Variants in ADARB2 observed in about 807,000 individuals in gnomAD.
ADARB2 encodes the protein inactive double-stranded RNA-specific editase B2.
Under a neutral mutation model 62.2 loss-of-function variants are expected in ADARB2, and 25 were observed. That is an observed-to-expected ratio of 0.40 (90% CI 0.29 to 0.56). ADARB2 has a LOEUF of 0.56. Ranked by LOEUF, ADARB2 falls within the 20% of genes least tolerant of loss-of-function variation. The pLI, the probability that ADARB2 is intolerant of heterozygous loss-of-function variation, is 0.43. For missense variants in ADARB2, 1,071 were observed against 1,077.4 expected (o/e 0.99, Z 0.08); for synonymous variants, 572 against 500.8 (o/e 1.14, Z -1.90).
intron 1 of ADARB2, among the ~76,000 whole-genome samples, chr10:1,658,078 G>T (rs1834194924): frequency 6.6e-6 from 1 of 150,774 alleles, no homozygotes; most frequent in Non-Finnish European, 1.5e-5. Context: ...GTGTCTCTGT[G>T]TCTCTCTGTC....
At chr10:1,266,511 T>TGGGGGGGGGGGGGGG (rs782182369) in intron 4 of ADARB2, among the ~76,000 whole-genome samples, 1 of 128,444 alleles carries the variant, frequency 7.8e-6, no homozygotes, top group Non-Finnish European at 1.6e-5. Context: ...TGGTGGGGGG[T>TGGGGGGGGGGGGGGG]GGGGGGGGGG....
At position 1,295,487 on chromosome 10, in the gene ADARB2, C is replaced by T. The variant is rs539088985; in HGVS notation, c.1078-24418G>A. Among the ~76,000 whole-genome samples, 42 of 152,108 alleles carry T rather than the reference C, an allele frequency of 2.8e-4. No individual in the cohort carries two copies. The Middle Eastern group carries it at 0.01, about 37-fold the overall frequency. On this transcript the variant is annotated intron_variant, in intron 3 of 9. Coordinates refer to ENST00000381312, the MANE Select transcript of ADARB2 (RefSeq NM_018702.4). ...TGTTGGGGACAACATCAGAGATGTC[C>T]GATGCAATTTAGGAGAAAGAGTACA...
chr10:1,414,756 C>T (rs1375201519), intron 1 of ADARB2, among the ~76,000 whole-genome samples: 2 of 152,212 alleles, frequency 1.3e-5, no homozygotes, highest in Admixed American at 1.3e-4. Flanking sequence ...AATCCTTTGA[C>T]TCCACTGGAC....
At chr10:1,569,126 G>T (rs932722013) in intron 1 of ADARB2, among the ~76,000 whole-genome samples, 1 of 138,460 alleles carries the variant, frequency 7.2e-6, no homozygotes, top group African/African-American at 2.6e-5. Context: ...AAGAGACAGA[G>T]ACAAAGAGAG....
chr10:1,295,915 C>T, intron 3 of ADARB2, among the ~76,000 whole-genome samples: 1 of 152,104 alleles, frequency 6.6e-6, no homozygotes, highest in East Asian at 1.9e-4. Context: ...AATGACCATC[C>T]CCAAGCGCAA....
chr10:1,546,814 C>T (rs1035425421), intron 1 of ADARB2, among the ~76,000 whole-genome samples: 6 of 152,366 alleles, frequency 3.9e-5, no homozygotes, highest in Non-Finnish European at 8.8e-5. Flanking sequence ...CCCTGACAAA[C>T]GACTCCCTGC....
At chr10:1,601,240 C>A (rs932302265) in intron 1 of ADARB2, among the ~76,000 whole-genome samples, 4 of 152,172 alleles carry the variant, frequency 2.6e-5, no homozygotes, top group African/African-American at 4.8e-5. Flanking sequence ...TTTTGTGAAG[C>A]CTGTGAGTGG....
chr10:1,402,390 T>A (rs1433332624), intron 1 of ADARB2, among the ~76,000 whole-genome samples: 5 of 151,898 alleles, frequency 3.3e-5, no homozygotes, highest in Admixed American at 3.3e-4. Flanking sequence ...CCTGGTGGGG[T>A]CGGGGGAGAA....
chr10:1,402,372 CTGCTT>C (rs1428510825), intron 1 of ADARB2, among the ~76,000 whole-genome samples: 4 of 152,186 alleles, frequency 2.6e-5, no homozygotes, highest in Non-Finnish European at 4.4e-5. Context: ...CGTGCCCACT[CTGCTT>C]TGCCTGGTGG....
Position 1,217,049 on chromosome 10 carries a change from C to T in ADARB2, c.1584G>A (p.Gly528=). 4 of 1,611,058 alleles carry T rather than the reference C, an allele frequency of 2.5e-6. No homozygotes were observed. The highest frequency in any genetic ancestry group is 3.4e-6 in the Non-Finnish European group (4 of 1,178,964). ...CGCTGGGGCCACGCACGGGGACCGT[C>T]CCTTCCCCGGACTCGATCTTGGTGC... ...HLRTKIESGE[G]TVPVRGPSAV... The change falls in exon 7 of 10, where the codon GGG becomes GGA. Residue 528 remains glycine (G), a synonymous_variant. Coordinates refer to ENST00000381312, the MANE Select transcript of ADARB2 (RefSeq NM_018702.4).
At chr10:1,549,864 C>A (rs750204824) in intron 1 of ADARB2, among the ~76,000 whole-genome samples, 6 of 152,174 alleles carry the variant, frequency 3.9e-5, no homozygotes, top group Non-Finnish European at 7.3e-5. Context: ...GAGCCTCTCA[C>A]CCCCTCTCCT....
chr10:1,270,363 TCATTA>T (rs1326483193), intron 4 of ADARB2, among the ~76,000 whole-genome samples: 1 of 151,980 alleles, frequency 6.6e-6, no homozygotes. Flanking sequence ...GACGAGGAGG[TCATTA>T]CACACTCGTG....
chr10:1,187,864 G>A (rs1457894427), intron 8 of ADARB2: 1 of 434,610 alleles, frequency 2.3e-6, no homozygotes, highest in East Asian at 7.2e-5. Flanking sequence ...GTGGTCCCAT[G>A]TGTCCATATG....
chr10:1,432,234 A>G (rs1830783412), intron 1 of ADARB2, among the ~76,000 whole-genome samples: 2 of 152,216 alleles, frequency 1.3e-5, no homozygotes, highest in African/African-American at 4.8e-5. Flanking sequence ...TTTGAATGAT[A>G]GAAACATAGC....
Position 1,389,781 on chromosome 10 carries a change from A to C in ADARB2, c.101-10621T>G, listed in dbSNP as rs550653136. 2.0e-5 allele frequency among the ~76,000 whole-genome samples: 3 copies of C among 149,936 alleles called. No homozygotes were observed. The East Asian group carries it at 5.8e-4, about 29-fold the overall frequency. ...TAAATAAATAAATAAATAAATAAAT[A>C]AATAATAAATAAAAAATAAAGGCTG... On this transcript the variant is annotated intron_variant, in intron 1 of 9. Transcript: ENST00000381312.
intron 1 of ADARB2, among the ~76,000 whole-genome samples, chr10:1,630,367 G>T (rs1833827343): frequency 6.6e-6 from 1 of 152,086 alleles, no homozygotes; most frequent in Admixed American, 6.5e-5. Context: ...AAAGGGGTGG[G>T]GAGGGCTTCC....
At chr10:1,668,045 C>G (rs138159321) in intron 1 of ADARB2, among the ~76,000 whole-genome samples, 1 of 152,176 alleles carries the variant, frequency 6.6e-6, no homozygotes, top group Non-Finnish European at 1.5e-5. Context: ...CTGGATGAGG[C>G]GTTAGCAGGA....
chr10:1,737,324 T>TCTGTCTCTCTGTC lies in ADARB2; in HGVS notation c.-175_-174insGACAGAGAGACAG. The TCTGTCTCTCTGTC allele has an allele frequency of 1.6e-6, 1 of 636,670 alleles. No homozygotes were observed. Among genetic ancestry groups the TCTGTCTCTCTGTC allele is most frequent in the Non-Finnish European group, 2.7e-6 (1 of 369,998 alleles). The allele number at this position is 636,670 out of a possible 1,614,324, so 39.4% of individuals were successfully genotyped here. On this transcript the variant is annotated 5_prime_UTR_variant, in exon 1 of 10. Coordinates refer to ENST00000381312, the MANE Select transcript of ADARB2 (RefSeq NM_018702.4). Reference sequence around the variant, plus strand: ...CTCCGTCTCTCTGTCTCTCGAATTGTTCTCTATGACTTGCTCCCACTGGGC... The same window carrying TCTGTCTCTCTGTC: ...CTCCGTCTCTCTGTCTCTCGAATTGTCTGTCTCTCTGTCTCTCTATGACTTGCTCCCACTGGGC...
chr10:1,180,326 TG>T lies in ADARB2; in HGVS notation c.*2866del, dbSNP rs1836653651. 4.0e-5 allele frequency: 6 copies of T among 151,514 alleles called. No homozygotes were observed. Among genetic ancestry groups the T allele is most frequent in the Admixed American group, 3.9e-4 (6 of 15,240 alleles). The allele number at this position is 151,514 out of a possible 1,614,324, so 9.4% of individuals were successfully genotyped here. On this transcript the variant is annotated 3_prime_UTR_variant, in exon 10 of 10. Coordinates refer to ENST00000381312, the MANE Select transcript of ADARB2 (RefSeq NM_018702.4). ...GGAACTCTTGGGGCTGTGGGAATCC[TG>T]GGACCCGGGTCTTCCAGGCACACCT...
Sources: allele counts gnomAD v4.1 joint callset (sites outside exome capture counted in the v4.1 genomes callset), GRCh38; gene constraint gnomAD v4.1.1; transcripts MANE v1.5; gene names NCBI Gene and HGNC (gene_info 2026-07-23, HGNC 2026-07-21).